COL5A3: variants seen among roughly 807,000 people sequenced by gnomAD.
COL5A3 encodes collagen alpha-3(V) chain.
COL5A3 carries 172 observed loss-of-function variants against 250.0 expected under a neutral mutation model. The observed-to-expected ratio is 0.69, with a 90% CI of 0.61 to 0.78. The LOEUF is 0.78. Among genes scored for constraint, COL5A3 ranks in the 30% least tolerant of loss-of-function variants. The pLI is 0.00. For missense variants in COL5A3, 2,340 were observed against 2,334.4 expected (o/e 1.00, Z -0.05); for synonymous variants, 937 against 900.4 (o/e 1.04, Z -0.73).
At chr19:9,977,135 C>G in intron 44 of COL5A3, 94 bp downstream of exon 44, 1 of 1,246,678 alleles carries the variant, frequency 8.0e-7, no homozygotes. Flanking sequence ...ACTCCATGGC[C>G]TCTCCTACCC....
Position 10,001,260 on chromosome 19 carries a change from C to T in COL5A3, c.1110+264G>A, listed in dbSNP as rs182818292. 6.2e-4 allele frequency among the ~76,000 whole-genome samples: 94 copies of T among 152,118 alleles called. 1 individual carries two copies. Among genetic ancestry groups the T allele is most frequent in the African/African-American group, 2.2e-3 (90 of 41,476 alleles). On this transcript the variant is annotated intron_variant, in intron 8 of 66. Transcript: ENST00000264828. Reference sequence around the variant, plus strand: ...TCCCGGGTTCAAGCAATTCTCCTGCCTCAGCCTTCCCAGTGGCTGGGATCA... The same window carrying T: ...TCCCGGGTTCAAGCAATTCTCCTGCTTCAGCCTTCCCAGTGGCTGGGATCA...
chr19:9,976,745 C>T (rs1001249741), intron 44 of COL5A3, 134 bp from the exon 45 acceptor site: 3 of 677,692 alleles, frequency 4.4e-6, no homozygotes, highest in Admixed American at 3.0e-5. Context: ...CAGCTACATC[C>T]CCCCAAATCC....
At chr19:10,007,955 C>G (rs2087466413) in intron 1 of COL5A3, among the ~76,000 whole-genome samples, 1 of 151,904 alleles carries the variant, frequency 6.6e-6, no homozygotes, top group African/African-American at 2.4e-5. Flanking sequence ...TTCTCTCTCT[C>G]TCTTCTCAAT....
At position 9,968,201 on chromosome 19, in the gene COL5A3, C is replaced by T. The variant is rs1168890815; in HGVS notation, c.4315-122G>A. On this transcript the variant is annotated intron_variant, in intron 59 of 66. Coordinates refer to ENST00000264828, the MANE Select transcript of COL5A3 (RefSeq NM_015719.4). The surrounding 1 kb of genome is among the most constrained non-coding windows in gnomAD (Gnocchi z 4.1). ...GAACCCTAGACAAGCCTCCAGTTCC[C>T]CCACAGAGAGACCCCAAACCCCAGA... is the stretch of plus-strand genomic sequence containing the variant. 4.6e-6 allele frequency: 5 copies of T among 1,098,162 alleles called. No individual in the cohort carries two copies. The allele number at this position is 1,098,162 out of a possible 1,614,324, so 68.0% of individuals were successfully genotyped here.
chr19:9,993,631 C>G lies in COL5A3; in HGVS notation c.1683G>C (p.Glu561Asp). Residue 561 changes from glutamate to aspartate, a missense_variant, in exon 18 of 67, where the codon GAG becomes GAC. Around this residue, in one of 3 missense-constraint regions of COL5A3, gnomAD observed 1,152 missense variants for 1,146.3 expected, o/e 1.00. Coordinates refer to ENST00000264828, the MANE Select transcript of COL5A3 (RefSeq NM_015719.4). ...CTCACACACTCACCCTTTGGCCCTT[C>G]TCACCAGGCAGCCCAGGGAGGCCAT... ...GFDGLPGLPG[E>D]KGQRGDFGHV... 6.2e-7 allele frequency: 1 copy of G among 1,614,082 alleles called. No homozygotes were observed. The highest frequency in any genetic ancestry group is 8.5e-7 in the Non-Finnish European group (1 of 1,180,008).
chr19:9,984,914 C>T (rs1386276610), intron 31 of COL5A3, among the ~76,000 whole-genome samples: 1 of 150,492 alleles, frequency 6.6e-6, no homozygotes, highest in Admixed American at 6.6e-5. Flanking sequence ...ATCTCAGCCT[C>T]CCAAGTAGCT....
At chr19:10,003,945 G>T in intron 5 of COL5A3, 96 bp downstream of exon 5, 1 of 1,126,576 alleles carries the variant, frequency 8.9e-7, no homozygotes, top group Non-Finnish European at 1.3e-6. Context: ...TTAACCCCAT[G>T]TCTGGGGGAT....
At chr19:10,003,231 A>G (rs1187298549) in intron 6 of COL5A3, among the ~76,000 whole-genome samples, 1 of 152,206 alleles carries the variant, frequency 6.6e-6, no homozygotes, top group African/African-American at 2.4e-5. Flanking sequence ...CTTAAACAGT[A>G]GCCCTCATCA....
chr19:9,969,948 G>A, intron 54 of COL5A3, 26 bp from the exon 55 acceptor site: 1 of 1,610,890 alleles, frequency 6.2e-7, no homozygotes, highest in South Asian at 1.1e-5. Context: ...CAGTGAGGGG[G>A]GTCTAGGGGC....
chr19:9,995,185 G>A (rs144898528), intron 16 of COL5A3, among the ~76,000 whole-genome samples: 1 of 152,190 alleles, frequency 6.6e-6, no homozygotes, highest in Non-Finnish European at 1.5e-5. Flanking sequence ...TGGTATTATA[G>A]GCATGAGCCA....
In COL5A3 at chr19:10,010,338, C is replaced by A; in HGVS notation, c.48G>T (p.Leu16=). The A allele has an allele frequency of 6.8e-7, 1 of 1,469,052 alleles. No individual in the cohort carries two copies. The highest frequency in any genetic ancestry group is 9.0e-7 in the Non-Finnish European group (1 of 1,107,016). 91.0% of individuals were successfully genotyped at this position (1,469,052 alleles called of 1,614,324 possible). A position where few individuals can be genotyped will look rare whatever the true frequency, so the allele number is the denominator to read the frequency against. ...GCAGAAGCTGCAGCGCGGCCAGGAG[C>A]AGGCAGAGACCGGCCCGCGGCTGGC... ...DLGQPRAGLC[L]LLAALQLLPG... Residue 16 remains leucine (L), a synonymous_variant, in exon 1 of 67, where the codon CTG becomes CTT. Transcript: ENST00000264828.
chr19:10,003,562 T>A lies in COL5A3; in HGVS notation c.849+3A>T. On this transcript the variant is annotated splice_donor_region_variant and intron_variant, in intron 6 of 66. Coordinates refer to ENST00000264828, the MANE Select transcript of COL5A3 (RefSeq NM_015719.4). Reference sequence around the variant, plus strand: ...CGGAAGTGAGAGGTCTCAGGGCCCTTACCTGGTTCTCTGCGGAGTCAGGAG... The same window carrying A: ...CGGAAGTGAGAGGTCTCAGGGCCCTAACCTGGTTCTCTGCGGAGTCAGGAG... 1 of 1,613,822 alleles carries A rather than the reference T, an allele frequency of 6.2e-7. No individual in the cohort carries two copies.
At chr19:9,978,666 A>T in intron 40 of COL5A3, 39 bp from the exon 41 acceptor site, 1 of 1,367,634 alleles carries the variant, frequency 7.3e-7, no homozygotes, top group Non-Finnish European at 1.0e-6. Context: ...AGACTCCCAA[A>T]GGTGTCCCCA....
Position 9,997,253 on chromosome 19 carries a change from C to T in COL5A3, c.1263+118G>A. On this transcript the variant is annotated intron_variant, in intron 11 of 66. Transcript: ENST00000264828. Reference sequence around the variant, plus strand: ...AGACAGAGAACAGAAGAGGTCAGTGCCAGCCCCGGGATGGTGTTCCCGAGT... The same window carrying T: ...AGACAGAGAACAGAAGAGGTCAGTGTCAGCCCCGGGATGGTGTTCCCGAGT... 1.5e-5 allele frequency: 12 copies of T among 783,044 alleles called. No homozygotes were observed. The South Asian group carries it at 1.6e-4, about 11-fold the overall frequency. The allele number at this position is 783,044 out of a possible 1,614,324, so 48.5% of individuals were successfully genotyped here. A position where few individuals can be genotyped will look rare whatever the true frequency, so the allele number is the denominator to read the frequency against.
rs1050621871 is a variant in COL5A3 at position 9,992,842 on chromosome 19, G to T, written c.1833C>A (p.Gly611=). ...RGLLGPRGSP[G]PTGRPGVTGI... is the part of the protein sequence containing the mutation. Reference sequence around the variant, plus strand: ...TGACACTCACCGGGCGACCCGTGGGGCCAGGAGAGCCTCTGGGGCCAAGCA... The same window carrying T: ...TGACACTCACCGGGCGACCCGTGGGTCCAGGAGAGCCTCTGGGGCCAAGCA... The change falls in exon 21 of 67, where the codon GGC becomes GGA. Residue 611 remains glycine, a synonymous_variant. Coordinates refer to ENST00000264828, the MANE Select transcript of COL5A3 (RefSeq NM_015719.4). 1.2e-6 allele frequency: 2 copies of T among 1,613,976 alleles called. No homozygotes were observed. Among genetic ancestry groups the T allele is most frequent in the African/African-American group, 1.3e-5 (1 of 74,932 alleles).
intron 51 of COL5A3, among the ~76,000 whole-genome samples, chr19:9,972,668 T>TAA (rs2086869327): frequency 1.5e-5 from 2 of 136,994 alleles, no homozygotes. Context: ...AACACCCATC[T>TAA]CTACTAAAAA....
chr19:9,963,990 G>A (rs2086706150), intron 64 of COL5A3, among the ~76,000 whole-genome samples: 1 of 152,114 alleles, frequency 6.6e-6, no homozygotes, highest in Non-Finnish European at 1.5e-5. Context: ...CCAACATGGT[G>A]AAACCCCGTC....
In COL5A3 at chr19:10,000,710, A is replaced by G. The variant is rs538817797; in HGVS notation, c.1110+814T>C. Among the ~76,000 whole-genome samples, 9 of 151,988 alleles carry G rather than the reference A, an allele frequency of 5.9e-5. No individual in the cohort carries two copies. In the South Asian group the frequency reaches 1.5e-3, roughly 25 times the overall value. ...GCGCCTCTCTCTAGTCACAGAGTCA[A>G]CTATTAGCACAGTGCCTGACACAAG... On this transcript the variant is annotated intron_variant, in intron 8 of 66. Transcript: ENST00000264828.
rs2086647029 is a variant in COL5A3, at chr19:9,959,877, A to T, written c.*534T>A. On this transcript the variant is annotated 3_prime_UTR_variant, in exon 67 of 67. Coordinates refer to ENST00000264828, the MANE Select transcript of COL5A3 (RefSeq NM_015719.4). The stretch of plus-strand genomic sequence containing the variant: ...TGGGCTGAGGCAGGAAAAGAAACAC[A>T]ACCCAGTCAAGGGAAGTCCCTCTTC... 1 of 154,386 alleles carries T rather than the reference A, an allele frequency of 6.5e-6. No homozygotes were observed. Among genetic ancestry groups the T allele is most frequent in the Non-Finnish European group, 1.4e-5 (1 of 69,392 alleles). 9.6% of individuals were successfully genotyped at this position (154,386 alleles called of 1,614,324 possible). A position where few individuals can be genotyped will look rare whatever the true frequency, so the allele number is the denominator to read the frequency against.
Sources: gnomAD v4.1 joint callset for allele counts (sites outside exome capture counted in the v4.1 genomes callset) on GRCh38, gnomAD v4.1.1 for gene constraint, gnomAD v4.1.1 regional missense constraint, Gnocchi (gnomAD v3.1) non-coding constraint, MANE v1.5 for transcripts, NCBI Gene and HGNC (gene_info 2026-07-23, HGNC 2026-07-21) for gene names.